TRPC1: variants seen among roughly 807,000 people sequenced by gnomAD.
TRPC1 encodes the protein short transient receptor potential channel 1.
Under a neutral mutation model 88.2 loss-of-function variants are expected in TRPC1, and 42 were observed. The observed-to-expected ratio is 0.48, with a 90% CI of 0.37 to 0.62. The LOEUF is 0.62. TRPC1 is among the 20% of genes least tolerant of loss of function. The probability of loss-of-function intolerance (pLI) is 0.00; values close to 1 mark genes in which losing one functional copy is unlikely to be tolerated. For synonymous variants in TRPC1, 288 were observed against 331.8 expected, an observed-to-expected ratio of 0.87 and a Z score of 1.43; for missense variants, 699 against 957.3, an observed-to-expected ratio of 0.73 and a Z score of 3.56.
chr3:142,787,693 A>G (rs756223443), intron 7 of TRPC1, among the ~76,000 whole-genome samples: 1 of 152,228 alleles, frequency 6.6e-6, no homozygotes, highest in East Asian at 1.9e-4. Flanking sequence ...AGCCAAATAA[A>G]ACCATCAAAA....
Position 142,780,965 on chromosome 3 carries a change from G to T in TRPC1, c.896G>T (p.Gly299Val). 1 of 1,613,754 alleles carries T rather than the reference G, an allele frequency of 6.2e-7. No homozygotes were observed. Among genetic ancestry groups the T allele is most frequent in the African/African-American group, 1.3e-5 (1 of 75,036 alleles). Residue 299 changes from glycine (G) to valine (V), a missense_variant, in exon 6 of 13, where the codon GGA becomes GTA. Physicochemically the swap from Gly to Val is moderately radical, Grantham distance 109. Coordinates refer to ENST00000476941, the MANE Select transcript of TRPC1 (RefSeq NM_001251845.2). The stretch of plus-strand genomic sequence containing the variant: ...AGTGACGAGCCTCTTGACAAACGGG[G>T]ATTATTAGAAGAAAGAATGAATTTA... ...TSSDEPLDKR[G>V]LLEERMNLSR... is the part of the protein sequence containing the mutation.
Position 142,724,613 on chromosome 3 carries a change from C to G in TRPC1, c.54C>G (p.Ser18=). The G allele has an allele frequency of 6.2e-7, 1 of 1,610,682 alleles. No individual in the cohort carries two copies. The highest frequency in any genetic ancestry group is 8.5e-7 in the Non-Finnish European group (1 of 1,178,962). The stretch of plus-strand genomic sequence containing the variant: ...ACCTCTCGGGCGCCTCCTCCTCCTC[C>G]CTGCCTTCCTCTCCATCCTCTTCCT... ...STDLSGASSS[S]LPSSPSSSSP... The change falls in exon 1 of 13, where the codon TCC becomes TCG. Residue 18 remains serine (S), a synonymous_variant. Transcript: ENST00000476941. The surrounding 1 kb of genome is among the most constrained non-coding windows in gnomAD (Gnocchi z 5.6).
At position 142,767,470 on chromosome 3, in the gene TRPC1, C is replaced by T. The variant is rs948633966; in HGVS notation, c.633-10162C>T. 3.3e-5 allele frequency among the ~76,000 whole-genome samples: 5 copies of T among 150,262 alleles called. No individual in the cohort carries two copies. Among genetic ancestry groups the T allele is most frequent in the Non-Finnish European group, 7.4e-5 (5 of 67,750 alleles). On this transcript the variant is annotated intron_variant, in intron 4 of 12. Coordinates refer to ENST00000476941, the MANE Select transcript of TRPC1 (RefSeq NM_001251845.2). The surrounding 1 kb of genome is among the most constrained non-coding windows in gnomAD (Gnocchi z 5.1). Reference sequence around the variant, plus strand: ...AACTTGCTGTTTTACTTTCACATATCAGGGAGTTTCCTAGATTTCCTTTTT... The same window carrying T: ...AACTTGCTGTTTTACTTTCACATATTAGGGAGTTTCCTAGATTTCCTTTTT...
chr3:142,786,578 T>C (rs911679556), intron 7 of TRPC1, among the ~76,000 whole-genome samples: 8 of 152,170 alleles, frequency 5.3e-5, no homozygotes, highest in African/African-American at 1.9e-4. Flanking sequence ...AATTTAATCT[T>C]TTAATTTAGG....
At chr3:142,726,631 C>G (rs919849711) in intron 1 of TRPC1, among the ~76,000 whole-genome samples, 1 of 152,116 alleles carries the variant, frequency 6.6e-6, no homozygotes, top group Non-Finnish European at 1.5e-5. Context: ...ATAATTCTTA[C>G]GCATACTTAT....
intron 1 of TRPC1, among the ~76,000 whole-genome samples, chr3:142,730,422 T>C (rs756129003): frequency 5.9e-5 from 9 of 152,154 alleles, no homozygotes; most frequent in Non-Finnish European, 1.2e-4. Flanking sequence ...GTAATAATTG[T>C]CTTTTTACAA....
chr3:142,804,590 A>G lies in TRPC1; in HGVS notation c.2114A>G (p.His705Arg), dbSNP rs752050440. The change falls in exon 12 of 13, where the codon CAT becomes CGT. Residue 705 changes from histidine to arginine, a missense_variant. This residue lies in a region of TRPC1 where 105 missense variants were observed against 141.7 expected (regional missense o/e 0.74). Coordinates refer to ENST00000476941, the MANE Select transcript of TRPC1 (RefSeq NM_001251845.2). ...ISSLSKWICS[H>R]TSKGKVKRQN... The stretch of plus-strand genomic sequence containing the variant: ...AGCCTCAGTAAGTGGATTTGCTCTC[A>G]TACATCAAAAGGCAAGGTCAAACGG... The G allele has an allele frequency of 1.6e-5, 25 of 1,609,604 alleles. No homozygotes were observed. The highest frequency in any genetic ancestry group is 2.0e-5 in the Non-Finnish European group (23 of 1,178,216).
chr3:142,783,081 TTGA>T (rs1936015082), intron 6 of TRPC1, among the ~76,000 whole-genome samples: 1 of 152,246 alleles, frequency 6.6e-6, no homozygotes, highest in Non-Finnish European at 1.5e-5. Flanking sequence ...TCCCCACCTC[TTGA>T]TGATGGGAAG....
At chr3:142,785,585 T>C (rs1936108524) in intron 7 of TRPC1, among the ~76,000 whole-genome samples, 1 of 152,180 alleles carries the variant, frequency 6.6e-6, no homozygotes, top group African/African-American at 2.4e-5. Context: ...TACTGCAACC[T>C]CCGCCTCCCG....
intron 4 of TRPC1, among the ~76,000 whole-genome samples, chr3:142,768,730 T>C (rs1207865197): frequency 1.3e-5 from 2 of 152,076 alleles, no homozygotes; most frequent in Non-Finnish European, 2.9e-5. Flanking sequence ...CTGTGTTTTT[T>C]AACTATTTAA....
intron 4 of TRPC1, among the ~76,000 whole-genome samples, chr3:142,756,124 T>C (rs1934951251): frequency 6.6e-6 from 1 of 152,232 alleles, no homozygotes; most frequent in South Asian, 2.1e-4. Flanking sequence ...TTCCATTGTA[T>C]GGTTATAGTA....
intron 9 of TRPC1, among the ~76,000 whole-genome samples, chr3:142,800,505 T>A (rs982511745): frequency 1.3e-5 from 2 of 152,164 alleles, no homozygotes; most frequent in Non-Finnish European, 2.9e-5. Context: ...CGGGATGTGC[T>A]ATGCTGGCCG....
At chr3:142,760,623 G>A (rs549270417) in intron 4 of TRPC1, among the ~76,000 whole-genome samples, 84 of 152,172 alleles carry the variant, frequency 5.5e-4, no homozygotes, top group Middle Eastern at 3.4e-3. Flanking sequence ...GAAGAATGTC[G>A]TTGGTATTTT....
chr3:142,741,625 ATTCTT>A (rs146236982), intron 2 of TRPC1, among the ~76,000 whole-genome samples: 1,830 of 152,228 alleles, frequency 0.012, 43 homozygotes, highest in East Asian at 0.088. Context: ...TAATCTTGCT[ATTCTT>A]TTATTCAGTA....
At chr3:142,756,944 T>C (rs1429512053) in intron 4 of TRPC1, among the ~76,000 whole-genome samples, 2 of 152,192 alleles carry the variant, frequency 1.3e-5, no homozygotes, top group Admixed American at 1.3e-4. Flanking sequence ...CTTCATGAGA[T>C]CTACTGTTTT....
intron 3 of TRPC1, 53 bp from the exon 4 acceptor site, chr3:142,748,205 A>G (rs1934627511): frequency 7.0e-7 from 1 of 1,421,164 alleles, no homozygotes. Flanking sequence ...AGATAAATAT[A>G]TTTTTTGAAG....
At chr3:142,746,437 G>A (rs1240947021) in intron 3 of TRPC1, among the ~76,000 whole-genome samples, 1 of 151,970 alleles carries the variant, frequency 6.6e-6, no homozygotes, top group Non-Finnish European at 1.5e-5. Flanking sequence ...AACCAGTAAT[G>A]CAATGATAAG....
At chr3:142,774,713 G>C (rs202081403) in intron 4 of TRPC1, among the ~76,000 whole-genome samples, 1 of 148,366 alleles carries the variant, frequency 6.7e-6, no homozygotes, top group Non-Finnish European at 1.5e-5. Context: ...TCAGTTTTAT[G>C]TATTTTTTTT....
At chr3:142,756,573 A>G (rs528993868) in intron 4 of TRPC1, among the ~76,000 whole-genome samples, 144 of 151,912 alleles carry the variant, frequency 9.5e-4, no homozygotes, top group Non-Finnish European at 1.6e-3. Context: ...GTTAGCCAGG[A>G]TGGTCTCGAT....
Sources: allele counts gnomAD v4.1 joint callset (sites outside exome capture counted in the v4.1 genomes callset), GRCh38; gene constraint gnomAD v4.1.1; regional missense constraint gnomAD v4.1.1; non-coding constraint Gnocchi (gnomAD v3.1); transcripts MANE v1.5; gene names NCBI Gene and HGNC (gene_info 2026-07-23, HGNC 2026-07-21).